The following PTPRM variants were observed in gnomAD, a reference collection of about 807,000 sequenced individuals.
PTPRM encodes the protein protein tyrosine phosphatase receptor type M.
A neutral mutation model predicts 186.7 loss-of-function variants in PTPRM; 47 were observed. The ratio of observed to expected loss-of-function variants is 0.25; its 90% CI spans 0.20 to 0.32. PTPRM has a LOEUF of 0.32. Among genes scored for constraint, PTPRM ranks in the 10% least tolerant of loss-of-function variants. The pLI, the probability that PTPRM is intolerant of heterozygous loss-of-function variation, is 1.00. For synonymous variants in PTPRM, 668 were observed against 674.9 expected (o/e 0.99, Z 0.16); for missense variants, 1,494 against 1,865.0 (o/e 0.80, Z 3.66).
intron 23 of PTPRM, among the ~76,000 whole-genome samples, chr18:8,348,090 A>G (rs571445241): frequency 6.6e-5 from 10 of 152,364 alleles, no homozygotes; most frequent in Admixed American, 4.6e-4. Context: ...AACAACAACA[A>G]ACCACCCAAG....
intron 7 of PTPRM, among the ~76,000 whole-genome samples, chr18:8,063,848 T>C (rs1210404158): frequency 6.6e-6 from 1 of 152,226 alleles, no homozygotes; most frequent in Non-Finnish European, 1.5e-5. Context: ...TGTATTCTTT[T>C]ACTTTATTTT....
chr18:8,299,820 C>CCT (rs2095136844), intron 20 of PTPRM, among the ~76,000 whole-genome samples: 1 of 152,158 alleles, frequency 6.6e-6, no homozygotes, highest in South Asian at 2.1e-4. Flanking sequence ...TCCAGGGAAA[C>CCT]TTTTTCTGAA....
intron 1 of PTPRM, among the ~76,000 whole-genome samples, chr18:7,716,909 G>T (rs921330486): frequency 6.6e-6 from 1 of 152,212 alleles, no homozygotes; most frequent in African/African-American, 2.4e-5. Context: ...CATTGTGGAA[G>T]ACAGTGTGGC....
intron 1 of PTPRM, among the ~76,000 whole-genome samples, chr18:7,717,151 C>T (rs549513762): frequency 2.8e-4 from 42 of 152,188 alleles, no homozygotes; most frequent in South Asian, 6.2e-4. Context: ...TGGTGAAAAC[C>T]CCACTCTCAA....
intron 14 of PTPRM, among the ~76,000 whole-genome samples, chr18:8,235,998 T>C (rs968820932): frequency 1.3e-5 from 2 of 152,198 alleles, no homozygotes; most frequent in African/African-American, 4.8e-5. Flanking sequence ...CATGATGCGG[T>C]CTATCTGGTG....
At chr18:7,835,849 T>G (rs112004246) in intron 2 of PTPRM, among the ~76,000 whole-genome samples, 3 of 139,200 alleles carry the variant, frequency 2.2e-5, no homozygotes, top group African/African-American at 5.9e-5. Context: ...AAGTTTTTTT[T>G]GTTTTGTTTT....
At chr18:7,831,211 A>T (rs2045744106) in intron 2 of PTPRM, among the ~76,000 whole-genome samples, 1 of 152,156 alleles carries the variant, frequency 6.6e-6, no homozygotes, top group African/African-American at 2.4e-5. Flanking sequence ...GGTCTTAAAT[A>T]TTGCCAAAGA....
chr18:7,742,677 C>T (rs550240705), intron 1 of PTPRM, among the ~76,000 whole-genome samples: 112 of 152,090 alleles, frequency 7.4e-4, no homozygotes, highest in African/African-American at 2.6e-3. Context: ...CCAGTCTCTA[C>T]AAAAAGTGAA....
intron 13 of PTPRM, among the ~76,000 whole-genome samples, chr18:8,121,573 A>G (rs1348254706): frequency 6.6e-6 from 1 of 152,250 alleles, no homozygotes; most frequent in Admixed American, 6.5e-5. Context: ...CATGTTAACC[A>G]TGATAACTAT....
chr18:8,235,477 T>TGA (rs2094335434), intron 14 of PTPRM, among the ~76,000 whole-genome samples: 2 of 128,556 alleles, frequency 1.6e-5, no homozygotes, highest in African/African-American at 5.6e-5. Flanking sequence ...TTTTTTTTTT[T>TGA]TTAGCCTGGC....
intron 19 of PTPRM, among the ~76,000 whole-genome samples, chr18:8,284,679 T>A (rs1232621114): frequency 6.6e-6 from 1 of 152,010 alleles, no homozygotes; most frequent in Non-Finnish European, 1.5e-5. Flanking sequence ...TCTCTTCAGG[T>A]TGAGGCTACA....
intron 2 of PTPRM, among the ~76,000 whole-genome samples, chr18:7,862,902 A>C (rs1047176561): frequency 6.6e-6 from 1 of 152,242 alleles, no homozygotes; most frequent in African/African-American, 2.4e-5. Context: ...TTAGGTTATC[A>C]GAAGTCACAG....
chr18:8,279,255 G>A (rs77398918), intron 19 of PTPRM, among the ~76,000 whole-genome samples: 1,595 of 152,188 alleles, frequency 0.01, 25 homozygotes, highest in African/African-American at 0.036. Context: ...CATCTTCCAT[G>A]GTGAGGAACG....
chr18:7,584,349 G>A (rs1256282112), intron 1 of PTPRM, among the ~76,000 whole-genome samples: 5 of 152,144 alleles, frequency 3.3e-5, no homozygotes, highest in Non-Finnish European at 7.3e-5. Flanking sequence ...ATAAAATGAG[G>A]TGTTTGTCGT....
At chr18:8,017,890 TA>T (rs1462320111) in intron 7 of PTPRM, 2 of 152,078 alleles carry the variant, frequency 1.3e-5, no homozygotes, top group African/African-American at 2.4e-5. Context: ...AGTACAGAGA[TA>T]AAACAATTCT....
chr18:8,364,678 C>T (rs757981810), intron 23 of PTPRM, among the ~76,000 whole-genome samples: 6 of 152,170 alleles, frequency 3.9e-5, no homozygotes, highest in Non-Finnish European at 5.9e-5. Context: ...AGTATGGATA[C>T]TCGGTTTGGA....
At chr18:7,829,535 TTG>T (rs1181882934) in intron 2 of PTPRM, among the ~76,000 whole-genome samples, 1 of 152,198 alleles carries the variant, frequency 6.6e-6, no homozygotes, top group African/African-American at 2.4e-5. Flanking sequence ...AAACATAAGT[TTG>T]TGTTATATTA....
chr18:7,710,991 T>C (rs563454032), intron 1 of PTPRM, among the ~76,000 whole-genome samples: 1 of 151,824 alleles, frequency 6.6e-6, no homozygotes, highest in Non-Finnish European at 1.5e-5. Context: ...AGCTACAGAG[T>C]CAACTCAGTT....
chr18:7,797,799 A>G (rs1460345504), intron 2 of PTPRM, among the ~76,000 whole-genome samples: 2 of 152,144 alleles, frequency 1.3e-5, no homozygotes, highest in African/African-American at 4.8e-5. Flanking sequence ...CAGGCAATCT[A>G]GTGTGTTCTT....
Sources: allele counts gnomAD v4.1 joint callset (sites outside exome capture counted in the v4.1 genomes callset), GRCh38; gene constraint gnomAD v4.1.1; transcripts MANE v1.5; gene names NCBI Gene and HGNC (gene_info 2026-07-23, HGNC 2026-07-21).